TRNT1: variants seen among roughly 807,000 people sequenced by gnomAD.
The protein encoded by TRNT1 is CCA tRNA nucleotidyltransferase 1, mitochondrial.
TRNT1 carries 44 observed loss-of-function variants against 45.6 expected under a neutral mutation model. The observed-to-expected ratio is 0.97, with a 90% confidence interval of 0.76 to 1.24. The LOEUF is 1.24. TRNT1 is among the 50% of genes most tolerant of loss of function. The pLI, the probability that TRNT1 is intolerant of heterozygous loss-of-function variation, is 0.00. For missense variants in TRNT1, 633 were observed against 504.4 expected (o/e 1.25, Z -2.44); for synonymous variants, 201 against 171.4 (o/e 1.17, Z -1.35).
chr3:3,136,566 CAG>C, intron 2 of TRNT1: 2 of 406,584 alleles, frequency 4.9e-6, no homozygotes, highest in South Asian at 1.8e-5. Context: ...TCTGTAAACA[CAG>C]AGAAATACAA....
At chr3:3,127,544 C>G (rs1211588710) in intron 1 of TRNT1, 1 of 152,284 alleles carries the variant, frequency 6.6e-6, no homozygotes, top group Non-Finnish European at 1.5e-5. Context: ...AAGGGAAGGC[C>G]GCGGTGTGCC....
chr3:3,136,762 C>A, intron 2 of TRNT1: 1 of 377,686 alleles, frequency 2.6e-6, no homozygotes, highest in South Asian at 2.0e-5. Flanking sequence ...TCAAGCCATC[C>A]TCCCACCTCA....
chr3:3,147,402 T>G, intron 6 of TRNT1, 48 bp from the exon 7 acceptor site: 1 of 1,598,620 alleles, frequency 6.3e-7, no homozygotes, highest in Non-Finnish European at 8.5e-7. Flanking sequence ...ATATGAGTGG[T>G]TTTTTATCCC....
intron 4 of TRNT1, among the ~76,000 whole-genome samples, chr3:3,143,323 T>A (rs1705777150): frequency 6.6e-6 from 1 of 152,208 alleles, no homozygotes; most frequent in South Asian, 2.1e-4. Flanking sequence ...CTCTACTAAT[T>A]AATACTTGAG....
intron 4 of TRNT1, among the ~76,000 whole-genome samples, chr3:3,143,084 G>A (rs565795125): frequency 2.5e-4 from 38 of 152,288 alleles, no homozygotes; most frequent in African/African-American, 7.2e-4. Context: ...AGTTGTCAGT[G>A]CCTCTTTTCT....
intron 2 of TRNT1, among the ~76,000 whole-genome samples, chr3:3,136,270 A>G (rs1012954647): frequency 6.6e-6 from 1 of 152,128 alleles, no homozygotes; most frequent in Non-Finnish European, 1.5e-5. Context: ...AGGGCCTAAT[A>G]TTGTGGCAGG....
chr3:3,136,737 C>CT lies in TRNT1; in HGVS notation c.149-521dup, dbSNP rs1166810728. ...TGGCACGATCATAGCTCACCGCAGC[C>CT]TTGAACTCCTGGGCTCAAGCCATCC... On this transcript the variant is annotated intron_variant, in intron 2 of 7. Coordinates refer to ENST00000251607, the MANE Select transcript of TRNT1 (RefSeq NM_182916.3). 4 of 399,886 alleles carry CT rather than the reference C, an allele frequency of 1.0e-5. No homozygotes were observed. The East Asian group carries it at 2.9e-4, about 29-fold the overall frequency. 24.8% of individuals were successfully genotyped at this position (399,886 alleles called of 1,614,324 possible). A position where few individuals can be genotyped will look rare whatever the true frequency, so the allele number is the denominator to read the frequency against.
chr3:3,136,986 G>C (rs938647079), intron 2 of TRNT1, among the ~76,000 whole-genome samples: 1 of 152,066 alleles, frequency 6.6e-6, no homozygotes, highest in African/African-American at 2.4e-5. Flanking sequence ...AATTTATATT[G>C]ATCACTTTGA....
rs145143419 is a variant in TRNT1, at chr3:3,148,804, T to TACTA, written c.*651_*652insCTAA. 1.3e-5 allele frequency: 2 copies of TACTA among 150,282 alleles called. No homozygotes were observed. Among genetic ancestry groups the TACTA allele is most frequent in the Non-Finnish European group, 3.0e-5 (2 of 67,298 alleles). The allele number at this position is 150,282 out of a possible 1,614,324, so 9.3% of individuals were successfully genotyped here. A position where few individuals can be genotyped will look rare whatever the true frequency, so the allele number is the denominator to read the frequency against. Reference sequence around the variant, plus strand: ...TTAACTTGAGGGTCACTATTGAGCCTATTAATTAATTATTGTTTTAATAAA... The same window carrying TACTA: ...TTAACTTGAGGGTCACTATTGAGCCTACTAATTAATTAATTATTGTTTTAATAAA... On this transcript the variant is annotated 3_prime_UTR_variant, in exon 8 of 8. Coordinates refer to ENST00000251607, the MANE Select transcript of TRNT1 (RefSeq NM_182916.3).
chr3:3,141,282 G>C (rs538431229), intron 4 of TRNT1, among the ~76,000 whole-genome samples: 2 of 152,236 alleles, frequency 1.3e-5, no homozygotes, highest in East Asian at 3.9e-4. Flanking sequence ...ATATAAACAT[G>C]ATTTCAGGGA....
intron 6 of TRNT1, among the ~76,000 whole-genome samples, 186 bp downstream of exon 6, chr3:3,146,809 T>C (rs1706059424): frequency 6.6e-6 from 1 of 152,164 alleles, no homozygotes; most frequent in African/African-American, 2.4e-5. Context: ...CAAAGACAGC[T>C]TGTGGTGCTT....
At chr3:3,153,419 C>T, downstream of TRNT1, 2 of 1,459,108 alleles carry the variant, frequency 1.4e-6, no homozygotes, top group South Asian at 1.1e-5. Context: ...TAATAAAGAC[C>T]TTACCTGAAT....
At chr3:3,128,781 T>G (rs1169766591) in intron 1 of TRNT1, among the ~76,000 whole-genome samples, 1 of 152,232 alleles carries the variant, frequency 6.6e-6, no homozygotes, top group Non-Finnish European at 1.5e-5. Context: ...GAAACAGTTA[T>G]GGAGGCCTGC....
rs1706111997 is a variant in TRNT1 at position 3,147,365 on chromosome 3, G to T, written c.803-85G>T. The T allele has an allele frequency of 3.4e-6, 5 of 1,473,380 alleles. No homozygotes were observed. In the South Asian group the frequency reaches 5.1e-5, roughly 15 times the overall value. The allele number at this position is 1,473,380 out of a possible 1,614,324, so 91.3% of individuals were successfully genotyped here. ...GTATCCTAGTGACAAAGCATTTCTG[G>T]ATACTAAAATGGTGGCAAGGTTTAG... On this transcript the variant is annotated intron_variant, in intron 6 of 7. Transcript: ENST00000251607.
intron 4 of TRNT1, among the ~76,000 whole-genome samples, chr3:3,143,886 G>A (rs993713880): frequency 1.3e-5 from 2 of 152,084 alleles, no homozygotes; most frequent in African/African-American, 4.8e-5. Flanking sequence ...TTATGACTAA[G>A]GTTGAAAATC....
At position 3,148,229 on chromosome 3, in the gene TRNT1, G is replaced by GAGACT; in HGVS notation, c.*77_*81dup. 1 of 1,516,364 alleles carries GAGACT rather than the reference G, an allele frequency of 6.6e-7. No homozygotes were observed. The highest frequency in any genetic ancestry group is 1.3e-5 in the South Asian group (1 of 78,286). The allele number at this position is 1,516,364 out of a possible 1,614,324, so 93.9% of individuals were successfully genotyped here. A position where few individuals can be genotyped will look rare whatever the true frequency, so the allele number is the denominator to read the frequency against. Reference sequence around the variant, plus strand: ...TCCCCTCCCTCTTAATGAGGTTTTAGAGACTACACCAGAATAAAAGACAGT... The same window carrying GAGACT: ...TCCCCTCCCTCTTAATGAGGTTTTAGAGACTAGACTACACCAGAATAAAAGACAGT... On this transcript the variant is annotated 3_prime_UTR_variant, in exon 8 of 8. Transcript: ENST00000251607.
intron 5 of TRNT1, chr3:3,145,666 G>A (rs983685532): frequency 6.6e-6 from 1 of 152,020 alleles, no homozygotes; most frequent in Non-Finnish European, 1.5e-5. Context: ...TTTTTCACTG[G>A]TTGGGATTGC....
rs1553556532 is a variant in TRNT1 at position 3,148,925 on chromosome 3, G to GTTA, written c.*774_*776dup. 2 of 151,894 alleles carry GTTA rather than the reference G, an allele frequency of 1.3e-5. No homozygotes were observed. The highest frequency in any genetic ancestry group is 6.6e-5 in the Admixed American group (1 of 15,236). The allele number at this position is 151,894 out of a possible 1,614,324, so 9.4% of individuals were successfully genotyped here. A position where few individuals can be genotyped will look rare whatever the true frequency, so the allele number is the denominator to read the frequency against. On this transcript the variant is annotated 3_prime_UTR_variant, in exon 8 of 8. Coordinates refer to ENST00000251607, the MANE Select transcript of TRNT1 (RefSeq NM_182916.3). ...ATGGTAATATGCCTGTCTTTAAAGT[G>GTTA]TTATTTTATTAATTAAAAGGATATG...
At chr3:3,141,339 C>G (rs995416937) in intron 4 of TRNT1, among the ~76,000 whole-genome samples, 1 of 152,086 alleles carries the variant, frequency 6.6e-6, no homozygotes, top group African/African-American at 2.4e-5. Flanking sequence ...CCACACACAT[C>G]TACACACACA....
Sources: gnomAD v4.1 joint callset for allele counts (sites outside exome capture counted in the v4.1 genomes callset) on GRCh38, gnomAD v4.1.1 for gene constraint, MANE v1.5 for transcripts, NCBI Gene and HGNC (gene_info 2026-07-23, HGNC 2026-07-21) for gene names.